Variants in BICD1 observed in about 807,000 individuals in gnomAD.
The protein encoded by BICD1 is protein bicaudal D homolog 1.
BICD1 carries 35 observed loss-of-function variants against 92.5 expected under a neutral mutation model. That is an observed-to-expected ratio of 0.38 (90% CI 0.29 to 0.50). The LOEUF is 0.50. BICD1 is among the 20% of genes least tolerant of loss of function. BICD1 has a pLI of 0.93. For synonymous variants in BICD1, 429 were observed against 465.1 expected, an observed-to-expected ratio of 0.92 and a Z score of 1.00; for missense variants, 950 against 1,189.8, an observed-to-expected ratio of 0.80 and a Z score of 2.97.
intron 4 of BICD1, among the ~76,000 whole-genome samples, chr12:32,316,590 T>A (rs1948508051): frequency 6.6e-6 from 1 of 152,112 alleles, no homozygotes; most frequent in East Asian, 1.9e-4. Flanking sequence ...CATGAGCCAA[T>A]GCGCCTGGCC....
intron 2 of BICD1, among the ~76,000 whole-genome samples, chr12:32,256,122 A>T (rs1946712429): frequency 6.6e-6 from 1 of 152,098 alleles, no homozygotes; most frequent in Admixed American, 6.6e-5. Flanking sequence ...GTACAATCAT[A>T]GCTCACTGCA....
At chr12:32,226,450 A>G (rs1324599225) in intron 2 of BICD1, among the ~76,000 whole-genome samples, 2 of 152,202 alleles carry the variant, frequency 1.3e-5, no homozygotes, top group African/African-American at 2.4e-5. Context: ...TAAATTTTAT[A>G]TTAATATATT....
chr12:32,238,533 T>G (rs139203664), intron 2 of BICD1, among the ~76,000 whole-genome samples: 25 of 152,362 alleles, frequency 1.6e-4, no homozygotes, highest in African/African-American at 5.3e-4. Context: ...GAGGATCGAC[T>G]GCAATTTTGA....
chr12:32,254,853 G>T (rs1592564567), intron 2 of BICD1, among the ~76,000 whole-genome samples: 1 of 152,220 alleles, frequency 6.6e-6, no homozygotes, highest in East Asian at 1.9e-4. Flanking sequence ...AGTCTGTTTT[G>T]TTCTCCCTGA....
At chr12:32,343,639 C>T (rs982741440) in intron 8 of BICD1, among the ~76,000 whole-genome samples, 5 of 152,170 alleles carry the variant, frequency 3.3e-5, no homozygotes, top group Non-Finnish European at 4.4e-5. Flanking sequence ...TCATTTCAAT[C>T]TCCTCCTTCC....
intron 1 of BICD1, among the ~76,000 whole-genome samples, chr12:32,149,576 A>G (rs1179000422): frequency 6.6e-6 from 1 of 152,240 alleles, no homozygotes; most frequent in Non-Finnish European, 1.5e-5. Context: ...TAGGTGAACC[A>G]AGAGAAAAAT....
At chr12:32,262,565 A>G (rs1946885580) in intron 2 of BICD1, among the ~76,000 whole-genome samples, 1 of 152,226 alleles carries the variant, frequency 6.6e-6, no homozygotes. Flanking sequence ...CTTATTTGGA[A>G]TAAGGGTCTT....
intron 8 of BICD1, among the ~76,000 whole-genome samples, chr12:32,361,503 A>G (rs949861472): frequency 6.6e-6 from 1 of 151,334 alleles, no homozygotes; most frequent in African/African-American, 2.4e-5. Flanking sequence ...CAATGAGCCA[A>G]GATCACGTCA....
intron 8 of BICD1, among the ~76,000 whole-genome samples, chr12:32,346,544 A>ACG (rs1938580962): frequency 5.2e-5 from 1 of 19,086 alleles, no homozygotes; most frequent in Non-Finnish European, 7.6e-5. Context: ...GTGTATATAT[A>ACG]TATATATATA....
intron 1 of BICD1, among the ~76,000 whole-genome samples, chr12:32,204,417 G>C (rs1944992260): frequency 6.6e-6 from 1 of 151,742 alleles, no homozygotes; most frequent in Non-Finnish European, 1.5e-5. Flanking sequence ...TTAGTAATCA[G>C]GGAAATGCAA....
chr12:32,330,895 G>A (rs1428970451), intron 5 of BICD1, among the ~76,000 whole-genome samples: 2 of 152,214 alleles, frequency 1.3e-5, no homozygotes, highest in East Asian at 1.9e-4. Flanking sequence ...AGCACTTTGG[G>A]AGGCCAAGGC....
chr12:32,321,120 G>A (rs1274775780), intron 4 of BICD1, among the ~76,000 whole-genome samples: 1 of 152,102 alleles, frequency 6.6e-6, no homozygotes, highest in African/African-American at 2.4e-5. Flanking sequence ...GAGGTCAGGG[G>A]TTTGAGATGA....
intron 1 of BICD1, among the ~76,000 whole-genome samples, chr12:32,135,141 T>A (rs1392664104): frequency 6.9e-6 from 1 of 145,560 alleles, no homozygotes; most frequent in East Asian, 2.2e-4. Flanking sequence ...CAGGCTGGAG[T>A]GCAGTGGTGT....
chr12:32,367,937 G>C (rs1939588363), intron 9 of BICD1, 192 bp downstream of exon 9: 3 of 557,638 alleles, frequency 5.4e-6, no homozygotes, highest in Non-Finnish European at 9.5e-6. Flanking sequence ...GAGAGCTGGG[G>C]TTTATTTTGC....
At chr12:32,351,293 CTGGCCAACA>C (rs756187929) in intron 8 of BICD1, among the ~76,000 whole-genome samples, 9 of 150,982 alleles carry the variant, frequency 6.0e-5, no homozygotes, top group Non-Finnish European at 1.3e-4. Context: ...CAAGAGCAGC[CTGGCCAACA>C]TGGTGAAACC....
In BICD1 at chr12:32,122,943, T is replaced by C. The variant is rs149793325; in HGVS notation, c.213+15399T>C. ...TAAACATAACTAATGGTTCATTCAT[T>C]CATTCCTACAATAATGATTCAGTGT... On this transcript the variant is annotated intron_variant, in intron 1 of 9. Coordinates refer to ENST00000652176, the MANE Select transcript of BICD1 (RefSeq NM_001714.4). 2.2e-3 allele frequency among the ~76,000 whole-genome samples: 332 copies of C among 152,362 alleles called. 1 individual carries two copies. Among genetic ancestry groups the C allele is most frequent in the African/African-American group, 7.8e-3 (325 of 41,594 alleles).
intron 2 of BICD1, among the ~76,000 whole-genome samples, chr12:32,221,558 C>T (rs1217243571): frequency 6.6e-6 from 1 of 151,406 alleles, no homozygotes; most frequent in Non-Finnish European, 1.5e-5. Flanking sequence ...GTGGTGGGTG[C>T]CTGTCCCTAG....
Position 32,205,871 on chromosome 12 carries a change from C to T in BICD1, c.214-10376C>T, listed in dbSNP as rs568176296. Among the ~76,000 whole-genome samples the T allele has an allele frequency of 1.4e-4, 22 of 151,842 alleles. No individual in the cohort carries two copies. In the South Asian group the frequency reaches 3.5e-3, roughly 24 times the overall value. On this transcript the variant is annotated intron_variant, in intron 1 of 9. Transcript: ENST00000652176. ...CTTCATAATCCTCCACTCCTGTCCC[C>T]GCCCCAGTGCAACCACTCATCTGCC...
chr12:32,330,427 G>A (rs888255130), intron 5 of BICD1, among the ~76,000 whole-genome samples: 1 of 132,290 alleles, frequency 7.6e-6, no homozygotes, highest in Non-Finnish European at 1.6e-5. Context: ...CCTGTTGTGG[G>A]GTGGGGGGAG....
Sources: gnomAD v4.1 joint callset for allele counts (sites outside exome capture counted in the v4.1 genomes callset) on GRCh38, gnomAD v4.1.1 for gene constraint, MANE v1.5 for transcripts, NCBI Gene and HGNC (gene_info 2026-07-23, HGNC 2026-07-21) for gene names.